The following LEP variants were observed in gnomAD, a reference collection of about 807,000 sequenced individuals.
LEP encodes leptin (murine obesity homolog).
A neutral mutation model predicts 9.8 loss-of-function variants in LEP; 6 were observed. The observed-to-expected ratio is 0.61, with a 90% CI of 0.34 to 1.21. The LOEUF (loss-of-function observed/expected upper bound fraction) is 1.21, where lower values mean the gene tolerates loss of function less well. Among genes scored for constraint, LEP ranks in the 50% most tolerant of loss-of-function variants. The pLI is 0.04. For synonymous variants in LEP, 112 were observed against 81.7 expected (o/e 1.37, Z -2.00); for missense variants, 134 against 198.1 (o/e 0.68, Z 1.94).
chr7:128,251,605 T>C (rs1795275522), intron 1 of LEP, among the ~76,000 whole-genome samples: 1 of 152,176 alleles, frequency 6.6e-6, no homozygotes, highest in African/African-American at 2.4e-5. Flanking sequence ...TATTTTGTGG[T>C]TATGTGATAT....
chr7:128,251,741 C>G (rs1441978617), intron 1 of LEP, among the ~76,000 whole-genome samples: 1 of 152,218 alleles, frequency 6.6e-6, no homozygotes, highest in Non-Finnish European at 1.5e-5. Context: ...ACACCCTGGC[C>G]TCACAGCTCT....
chr7:128,248,935 C>T (rs906914746), intron 1 of LEP, among the ~76,000 whole-genome samples: 1 of 152,234 alleles, frequency 6.6e-6, no homozygotes, highest in African/African-American at 2.4e-5. Context: ...AGGCACTATG[C>T]TCAATGAAAT....
At chr7:128,241,683 G>A (rs986281044) in intron 1 of LEP, among the ~76,000 whole-genome samples, 2 of 152,216 alleles carry the variant, frequency 1.3e-5, no homozygotes, top group Admixed American at 1.3e-4. Flanking sequence ...TAAAGTTGGG[G>A]GTAGGAGAGA....
chr7:128,247,673 T>A (rs529044416), intron 1 of LEP, among the ~76,000 whole-genome samples: 13 of 152,334 alleles, frequency 8.5e-5, no homozygotes, highest in Non-Finnish European at 1.8e-4. Context: ...TCCTCCATGA[T>A]GCCTCCCTGA....
At chr7:128,247,746 A>G (rs568589480) in intron 1 of LEP, among the ~76,000 whole-genome samples, 45 of 152,338 alleles carry the variant, frequency 3.0e-4, no homozygotes, top group Admixed American at 7.2e-4. Flanking sequence ...GTGCCAGGCA[A>G]GGAGTTGGCA....
rs1184373712 is a variant in LEP at position 128,254,611 on chromosome 7, C to T, written c.352C>T (p.His118Tyr). 1.9e-6 allele frequency: 3 copies of T among 1,614,160 alleles called. 1 individual carries two copies. In the South Asian group the frequency reaches 3.3e-5, roughly 18 times the overall value. ...CGTGCTGGCCTTCTCTAAGAGCTGC[C>T]ACTTGCCCTGGGCCAGTGGCCTGGA... is the stretch of plus-strand genomic sequence containing the variant. ...LHVLAFSKSC[H>Y]LPWASGLETL... Residue 118 changes from histidine (H) to tyrosine (Y), a missense_variant, in exon 3 of 3, where the codon CAC (histidine) becomes TAC (tyrosine). Transcript: ENST00000308868.
chr7:128,249,649 G>A (rs1317300200), intron 1 of LEP, among the ~76,000 whole-genome samples: 3 of 152,160 alleles, frequency 2.0e-5, no homozygotes, highest in Admixed American at 6.5e-5. Flanking sequence ...GGGGAAGAAC[G>A]GAAGACAAGA....
At position 128,244,246 on chromosome 7, in the gene LEP, GACACACACAC is replaced by G. The variant is rs60815271; in HGVS notation, c.-29+2966_-29+2975del. On this transcript the variant is annotated intron_variant, in intron 1 of 2. Coordinates refer to ENST00000308868, the MANE Select transcript of LEP (RefSeq NM_000230.3). ...AGCCTGAGTGACAGAGCAAGACCCT[GACACACACAC>G]ACACACACACACACACACACACACA... Among the ~76,000 whole-genome samples the G allele has an allele frequency of 1.3e-3, 185 of 147,130 alleles. 5 individuals are homozygous for G. In the South Asian group the frequency reaches 0.031, roughly 25 times the overall value.
intron 1 of LEP, among the ~76,000 whole-genome samples, chr7:128,251,101 C>T (rs1200334616): frequency 6.6e-6 from 1 of 152,166 alleles, no homozygotes; most frequent in Non-Finnish European, 1.5e-5. Flanking sequence ...CTTAGTAGCC[C>T]ATATTTAGTC....
At position 128,257,217 on chromosome 7, in the gene LEP, T is replaced by C. The variant is rs572677784; in HGVS notation, c.*2454T>C. Reference sequence around the variant, plus strand: ...CACAAAACCTGGCACAATGGCTAATTCCCAGAGTGTGAAACTTCCTAAGTA... The same window carrying C: ...CACAAAACCTGGCACAATGGCTAATCCCCAGAGTGTGAAACTTCCTAAGTA... On this transcript the variant is annotated 3_prime_UTR_variant, in exon 3 of 3. Transcript: ENST00000308868. The C allele has an allele frequency of 6.6e-6, 1 of 151,864 alleles. No homozygotes were observed. Among genetic ancestry groups the C allele is most frequent in the Admixed American group, 6.6e-5 (1 of 15,252 alleles). The allele number at this position is 151,864 out of a possible 1,614,324, so 9.4% of individuals were successfully genotyped here.
At chr7:128,246,930 G>A (rs1795218216) in intron 1 of LEP, among the ~76,000 whole-genome samples, 1 of 152,094 alleles carries the variant, frequency 6.6e-6, no homozygotes, top group African/African-American at 2.4e-5. Flanking sequence ...GAGAGAAGTG[G>A]GCCATGAGGG....
intron 1 of LEP, among the ~76,000 whole-genome samples, chr7:128,250,751 G>A (rs1171318943): frequency 2.0e-5 from 3 of 152,138 alleles, no homozygotes; most frequent in African/African-American, 4.8e-5. Flanking sequence ...CCCAGACGAG[G>A]AAGAACACGA....
At chr7:128,246,201 T>C (rs1036260401) in intron 1 of LEP, among the ~76,000 whole-genome samples, 15 of 151,914 alleles carry the variant, frequency 9.9e-5, no homozygotes, top group Non-Finnish European at 1.9e-4. Context: ...TCCCCTGCAA[T>C]GGTGGGAAGG....
At position 128,252,075 on chromosome 7, in the gene LEP, C is replaced by A; in HGVS notation, c.57C>A (p.Val19=). 1 of 1,614,146 alleles carries A rather than the reference C, an allele frequency of 6.2e-7. No homozygotes were observed. The highest frequency in any genetic ancestry group is 8.5e-7 in the Non-Finnish European group (1 of 1,180,002). ...FLWLWPYLFY[V]QAVPIQKVQD... is the part of the protein sequence containing the mutation. ...GGCTTTGGCCCTATCTTTTCTATGT[C>A]CAAGCTGTGCCCATCCAAAAAGTCC... Residue 19 remains valine, a synonymous_variant, in exon 2 of 3, where the codon GTC becomes GTA. Coordinates refer to ENST00000308868, the MANE Select transcript of LEP (RefSeq NM_000230.3).
chr7:128,254,670 T>G lies in LEP; in HGVS notation c.411T>G (p.Ala137=). ...ACAGCCTGGGGGGTGTCCTGGAAGC[T>G]TCAGGCTACTCCACAGAGGTGGTGG... ...TLDSLGGVLE[A]SGYSTEVVAL... is the part of the protein sequence containing the mutation. The change falls in exon 3 of 3, where the codon GCT becomes GCG. Residue 137 remains alanine (A), a synonymous_variant. Coordinates refer to ENST00000308868, the MANE Select transcript of LEP (RefSeq NM_000230.3). The G allele has an allele frequency of 6.2e-7, 1 of 1,614,096 alleles. No homozygotes were observed. The highest frequency in any genetic ancestry group is 8.5e-7 in the Non-Finnish European group (1 of 1,180,016).
In LEP at chr7:128,241,294, C is replaced by G. The variant is rs1795147685; in HGVS notation, c.-41C>G. On this transcript the variant is annotated 5_prime_UTR_variant, in exon 1 of 3. Transcript: ENST00000308868. ...TGGAGCCCCGTAGGAATCGCAGCGC[C>G]AGCGGTTGCAAGGTAAGGCCCCGGC... The G allele has an allele frequency of 6.5e-6, 1 of 154,402 alleles. No individual in the cohort carries two copies. Among genetic ancestry groups the G allele is most frequent in the South Asian group, 2.1e-4 (1 of 4,850 alleles). The allele number at this position is 154,402 out of a possible 1,614,324, so 9.6% of individuals were successfully genotyped here.
intron 1 of LEP, among the ~76,000 whole-genome samples, chr7:128,251,261 G>A (rs939429428): frequency 3.9e-5 from 6 of 152,292 alleles, no homozygotes; most frequent in South Asian, 2.1e-4. Flanking sequence ...TAAGCCACTC[G>A]AGGGTAGAGA....
Position 128,255,125 on chromosome 7 carries a change from G to C in LEP, c.*362G>C. 3.2e-6 allele frequency: 1 copy of C among 309,172 alleles called. No individual in the cohort carries two copies. The allele number at this position is 309,172 out of a possible 1,614,324, so 19.2% of individuals were successfully genotyped here. A position where few individuals can be genotyped will look rare whatever the true frequency, so the allele number is the denominator to read the frequency against. On this transcript the variant is annotated 3_prime_UTR_variant, in exon 3 of 3. Transcript: ENST00000308868. ...GTGACCAGGGGTGATTTCAGAGAGG[G>C]CAGAGGGGTAGGCAGAGCCTTTGGA...
chr7:128,243,041 G>A (rs539375230), intron 1 of LEP, among the ~76,000 whole-genome samples: 7 of 152,330 alleles, frequency 4.6e-5, no homozygotes, highest in Admixed American at 2.6e-4. Context: ...TCTGGCAGCC[G>A]CAGCTCCATT....
Sources: gnomAD v4.1 joint callset for allele counts (sites outside exome capture counted in the v4.1 genomes callset) on GRCh38, gnomAD v4.1.1 for gene constraint, MANE v1.5 for transcripts, NCBI Gene and HGNC (gene_info 2026-07-23, HGNC 2026-07-21) for gene names.